CCDC7: variants seen among roughly 807,000 people sequenced by gnomAD.
CCDC7 encodes the protein coiled-coil domain-containing protein 7.
A neutral mutation model predicts 196.9 loss-of-function variants in CCDC7; 183 were observed. The ratio of observed to expected loss-of-function variants is 0.93; its 90% CI spans 0.82 to 1.05. CCDC7 has a LOEUF of 1.05. Among genes scored for constraint, CCDC7 ranks in the 50% least tolerant of loss-of-function variants. CCDC7 has a pLI of 0.00. For synonymous variants in CCDC7, 525 were observed against 484.6 expected (o/e 1.08, Z -1.10); for missense variants, 1,540 against 1,482.2 (o/e 1.04, Z -0.64).
chr10:32,843,693 G>A (rs1381323285), intron 33 of CCDC7, among the ~76,000 whole-genome samples: 1 of 151,926 alleles, frequency 6.6e-6, no homozygotes, highest in South Asian at 2.1e-4. Context: ...TCTTCTTGTT[G>A]CCTCTCTGCT....
exon 3 of CCDC7, chr10:32,456,322 A>G (rs779088429): frequency 1.3e-6 from 2 of 1,571,514 alleles, no homozygotes; most frequent in South Asian, 2.4e-5. Flanking sequence ...AAGCACTTAA[A>G]GAAGAACAAA....
intron 11 of CCDC7, among the ~76,000 whole-genome samples, chr10:32,531,251 T>G (rs914574003): frequency 1.1e-4 from 17 of 152,116 alleles, no homozygotes; most frequent in Non-Finnish European, 2.9e-5. Flanking sequence ...GCTTCCCTAG[T>G]AGCTGGAACC....
intron 32 of CCDC7, among the ~76,000 whole-genome samples, chr10:32,833,100 T>C (rs4934631): frequency 0.92 from 140,447 of 152,078 alleles, 65,838 homozygotes; most frequent in East Asian, 1. Context: ...CTTTAAAAGG[T>C]ATAAAGTTAT....
intron 16 of CCDC7, among the ~76,000 whole-genome samples, chr10:32,579,758 C>T (rs950031490): frequency 5.3e-5 from 8 of 152,066 alleles, no homozygotes; most frequent in Non-Finnish European, 1.0e-4. Flanking sequence ...GCCATTCTCA[C>T]TGAGAACAAG....
At chr10:32,658,087 A>T (rs1266023797) in intron 20 of CCDC7, among the ~76,000 whole-genome samples, 1 of 152,180 alleles carries the variant, frequency 6.6e-6, no homozygotes, top group Non-Finnish European at 1.5e-5. Flanking sequence ...GCCATTTAAC[A>T]AGTCTCCAGG....
chr10:32,865,014 C>T (rs1462236287), intron 41 of CCDC7, among the ~76,000 whole-genome samples: 3 of 151,674 alleles, frequency 2.0e-5, no homozygotes, highest in African/African-American at 7.3e-5. Flanking sequence ...GTATAAAGCA[C>T]CTTAAAGCAC....
At chr10:32,571,862 A>T in exon 16 of CCDC7, 1 of 1,568,440 alleles carries the variant, frequency 6.4e-7, no homozygotes, top group Non-Finnish European at 8.6e-7. Context: ...ATCACAGATC[A>T]CTGCCCAAAG....
intron 20 of CCDC7, among the ~76,000 whole-genome samples, chr10:32,639,123 T>C (rs2066229691): frequency 1.3e-5 from 2 of 152,172 alleles, no homozygotes; most frequent in Non-Finnish European, 2.9e-5. Context: ...TTCTCTCTTT[T>C]CTTCTTTATT....
chr10:32,837,431 A>G (rs372483584), intron 33 of CCDC7, among the ~76,000 whole-genome samples: 3 of 152,150 alleles, frequency 2.0e-5, no homozygotes, highest in Non-Finnish European at 4.4e-5. Context: ...AACAACAGGT[A>G]CTGGAGAGGA....
At chr10:32,593,731 T>C (rs1242496948) in intron 18 of CCDC7, among the ~76,000 whole-genome samples, 4 of 152,154 alleles carry the variant, frequency 2.6e-5, no homozygotes, top group Non-Finnish European at 4.4e-5. Flanking sequence ...TTGTATAAGG[T>C]GTAAGGAAGG....
chr10:32,607,985 A>G (rs943344369), intron 18 of CCDC7, among the ~76,000 whole-genome samples: 1 of 151,962 alleles, frequency 6.6e-6, no homozygotes, highest in Non-Finnish European at 1.5e-5. Context: ...ATTTAATTTT[A>G]TTACTCATTA....
At chr10:32,784,289 G>A (rs944249938) in intron 29 of CCDC7, among the ~76,000 whole-genome samples, 1 of 136,116 alleles carries the variant, frequency 7.3e-6, no homozygotes, top group South Asian at 2.3e-4. Flanking sequence ...GTAAATGTGT[G>A]TTATGGTGGT....
intron 5 of CCDC7, among the ~76,000 whole-genome samples, chr10:32,470,487 G>A (rs2037730617): frequency 6.6e-6 from 1 of 151,998 alleles, no homozygotes; most frequent in South Asian, 2.1e-4. Context: ...TAGTAATTAT[G>A]GTCATCTTAT....
intron 21 of CCDC7, among the ~76,000 whole-genome samples, chr10:32,664,944 G>A (rs1288933503): frequency 6.6e-6 from 1 of 152,002 alleles, no homozygotes; most frequent in Non-Finnish European, 1.5e-5. Flanking sequence ...GTGTACAAGT[G>A]TTCCCTTCTC....
At chr10:32,707,141 C>T (rs2079917236) in intron 24 of CCDC7, among the ~76,000 whole-genome samples, 1 of 152,306 alleles carries the variant, frequency 6.6e-6, no homozygotes, top group East Asian at 1.9e-4. Context: ...CCGGCTTCAT[C>T]CCTGGAATGC....
intron 13 of CCDC7, 103 bp from the exon 15 acceptor site, chr10:32,565,455 C>A: frequency 8.3e-7 from 1 of 1,199,488 alleles, no homozygotes; most frequent in Admixed American, 2.3e-5. Context: ...ATGCTCAATT[C>A]TTATCTTGGG....
At position 32,824,623 on chromosome 10, in the gene CCDC7, A is replaced by T. The variant is rs543223965; in HGVS notation, c.3268+19A>T. On this transcript the variant is annotated intron_variant, in intron 32 of 41. Transcript: ENST00000639629. ...TACCCTGGTAAGAATAAGAATTTTT[A>T]AAATCTACTTATGGTTTCCTATCTT... 9 of 1,531,896 alleles carry T rather than the reference A, an allele frequency of 5.9e-6. No individual in the cohort carries two copies. The African/African-American group carries it at 1.2e-4, about 21-fold the overall frequency. The allele number at this position is 1,531,896 out of a possible 1,614,324, so 94.9% of individuals were successfully genotyped here. A position where few individuals can be genotyped will look rare whatever the true frequency, so the allele number is the denominator to read the frequency against.
chr10:32,818,840 TAATACCCAC>T (rs2089470249), intron 31 of CCDC7, among the ~76,000 whole-genome samples: 1 of 151,994 alleles, frequency 6.6e-6, no homozygotes, highest in Non-Finnish European at 1.5e-5. Context: ...TTTATAGCAC[TAATACCCAC>T]AAGAGAAAAA....
chr10:32,851,988 A>G (rs2093582485), intron 40 of CCDC7, 56 bp downstream of exon 41: 1 of 1,496,150 alleles, frequency 6.7e-7, no homozygotes, highest in Non-Finnish European at 8.9e-7. Context: ...GCTATAACTA[A>G]ATGTAAATAA....
Sources: allele counts gnomAD v4.1 joint callset (sites outside exome capture counted in the v4.1 genomes callset), GRCh38; gene constraint gnomAD v4.1.1; transcripts MANE v1.5; gene names NCBI Gene and HGNC (gene_info 2026-07-23, HGNC 2026-07-21).